ABCB9: variants seen among roughly 807,000 people sequenced by gnomAD.
The protein encoded by ABCB9 is ABC-type oligopeptide transporter ABCB9.
ABCB9 carries 36 observed loss-of-function variants against 62.0 expected under a neutral mutation model. The observed-to-expected ratio is 0.58, with a 90% CI of 0.45 to 0.77. The LOEUF (loss-of-function observed/expected upper bound fraction) is 0.77. ABCB9 is among the 30% of genes least tolerant of loss of function. The pLI is 0.00. For missense variants in ABCB9, 943 were observed against 1,054.7 expected, an observed-to-expected ratio of 0.89 and a Z score of 1.47; for synonymous variants, 435 against 461.4, an observed-to-expected ratio of 0.94 and a Z score of 0.73.
At chr12:122,948,939 CCT>C in intron 4 of ABCB9, 110 bp from the exon 5 acceptor site, 1 of 884,800 alleles carries the variant, frequency 1.1e-6, no homozygotes, top group Non-Finnish European at 1.6e-6. Context: ...GGCCTCCCTA[CCT>C]GTGGGCGGGG....
intron 5 of ABCB9, among the ~76,000 whole-genome samples, chr12:122,946,746 T>C (rs1189541063): frequency 6.6e-6 from 1 of 152,210 alleles, no homozygotes; most frequent in Non-Finnish European, 1.5e-5. Context: ...GCAGGGGCCA[T>C]GGGTTGTGAA....
chr12:122,949,487 G>A (rs771366656), intron 4 of ABCB9, among the ~76,000 whole-genome samples: 1 of 152,222 alleles, frequency 6.6e-6, no homozygotes, highest in Admixed American at 6.5e-5. Flanking sequence ...CCACAGGCGT[G>A]GGTAGTCCTG....
chr12:122,932,075 T>C lies in ABCB9; in HGVS notation c.2040+117A>G, dbSNP rs1231899302. ...GGAATTCACCAGCCCAGGAGGCTGATAGTCTGGGAGAGCTCCTGGGGCCCG... is the reference window on the plus strand; with the variant it reads ...GGAATTCACCAGCCCAGGAGGCTGACAGTCTGGGAGAGCTCCTGGGGCCCG... On this transcript the variant is annotated intron_variant, in intron 11 of 11. Transcript: ENST00000280560. This position sits in a 1 kb window ranked among gnomAD's most constrained non-coding sequence, Gnocchi z 4.7. 1 of 1,513,234 alleles carries C rather than the reference T, an allele frequency of 6.6e-7. No individual in the cohort carries two copies. Among genetic ancestry groups the C allele is most frequent in the Non-Finnish European group, 8.9e-7 (1 of 1,122,038 alleles). The allele number at this position is 1,513,234 out of a possible 1,614,324, so 93.7% of individuals were successfully genotyped here. A position where few individuals can be genotyped will look rare whatever the true frequency, so the allele number is the denominator to read the frequency against.
At chr12:122,928,686 G>C (rs1393925436), downstream of ABCB9, among the ~76,000 whole-genome samples, 1 of 152,074 alleles carries the variant, frequency 6.6e-6, no homozygotes, top group African/African-American at 2.4e-5. Context: ...GGCCCCGATG[G>C]AAAAGAACAG....
chr12:122,958,169 C>CAAAAAAAA (rs34917345), intron 2 of ABCB9, among the ~76,000 whole-genome samples: 2 of 72,218 alleles, frequency 2.8e-5, no homozygotes, highest in Non-Finnish European at 2.5e-5. Context: ...GACTCCATCT[C>CAAAAAAAA]AAAAAAAAAA....
At chr12:122,956,453 G>A (rs1020142618) in intron 2 of ABCB9, among the ~76,000 whole-genome samples, 1 of 152,174 alleles carries the variant, frequency 6.6e-6, no homozygotes, top group Non-Finnish European at 1.5e-5. Context: ...AGAACATTCT[G>A]GCATTGTTAT....
At chr12:122,949,575 C>T (rs2036242583) in intron 4 of ABCB9, among the ~76,000 whole-genome samples, 1 of 152,190 alleles carries the variant, frequency 6.6e-6, no homozygotes, top group African/African-American at 2.4e-5. Flanking sequence ...GGCCTGGGCC[C>T]CACAGAGGCC....
Position 122,944,055 on chromosome 12 carries a change from A to G in ABCB9, c.1380+336T>C. 6.6e-6 allele frequency among the ~76,000 whole-genome samples: 1 copy of G among 152,056 alleles called. No individual in the cohort carries two copies. Among genetic ancestry groups the G allele is most frequent in the Admixed American group, 6.6e-5 (1 of 15,256 alleles). ...CAGGGTTCAAGCAATTCTCCTCTCA[A>G]GTAGCTGGGATTACAGGTACCCACC... On this transcript the variant is annotated intron_variant, in intron 7 of 11. Transcript: ENST00000280560. The surrounding 1 kb of genome is among the most constrained non-coding windows in gnomAD (Gnocchi z 4.9).
chr12:122,969,975 T>C (rs1220845100), upstream of ABCB9, among the ~76,000 whole-genome samples: 7 of 152,146 alleles, frequency 4.6e-5, no homozygotes, highest in East Asian at 1.3e-3. Context: ...TAAAACTAAC[T>C]ATGCTCTTAC....
chr12:122,948,686 C>A lies in ABCB9; in HGVS notation c.991G>T (p.Val331Phe), dbSNP rs746826343. The A allele has an allele frequency of 2.7e-5, 43 of 1,613,830 alleles. No homozygotes were observed. The highest frequency in any genetic ancestry group is 3.6e-5 in the Non-Finnish European group (43 of 1,179,946). ...ATGATGGGGAAGCCCATGAAGGTGA[C>A]CAAGGAGAGCTGCCATGAGAGGCTG... is the stretch of plus-strand genomic sequence containing the variant. Reference protein sequence around the residue: ...MFSLSWQLSLVTFMGFPIIMM... With the variant: ...MFSLSWQLSLFTFMGFPIIMM... Residue 331 changes from valine (V) to phenylalanine (F), a missense_variant, in exon 5 of 12, where the codon GTC becomes TTC. Val to Phe is a conservative substitution (Grantham distance 50). Transcript: ENST00000280560.
chr12:122,920,954 G>A, exon 12 of ABCB9: 1 of 1,440,282 alleles, frequency 6.9e-7, no homozygotes, highest in Non-Finnish European at 9.4e-7. Flanking sequence ...CGTGTTTGCT[G>A]CACTGAAAAT....
Position 122,940,150 on chromosome 12 carries a change from C to T in ABCB9, c.1704G>A (p.Lys568=). 6.2e-7 allele frequency: 1 copy of T among 1,613,170 alleles called. No individual in the cohort carries two copies. The highest frequency in any genetic ancestry group is 8.5e-7 in the Non-Finnish European group (1 of 1,179,686). ...LEGGRVLLDG[K]PISAYDHKYL... is the part of the protein sequence containing the mutation. ...ACTTGTGGTCGTAGGCGCTGATGGGCTTGCCGTCCAGCAGCACCCGGCCCC... is the reference window on the plus strand; with the variant it reads ...ACTTGTGGTCGTAGGCGCTGATGGGTTTGCCGTCCAGCAGCACCCGGCCCC... The change falls in exon 9 of 12, where the codon AAG becomes AAA. Residue 568 remains lysine (K), a synonymous_variant. Coordinates refer to ENST00000280560, the MANE Select transcript of ABCB9 (RefSeq NM_019625.4). The surrounding 1 kb of genome is among the most constrained non-coding windows in gnomAD (Gnocchi z 4.8).
At chr12:122,972,319 G>A (rs572297046) in intron 1 of ABCB9, among the ~76,000 whole-genome samples, 5 of 152,008 alleles carry the variant, frequency 3.3e-5, no homozygotes, top group South Asian at 2.1e-4. Context: ...GGCCTCATTC[G>A]TAATGTCTTT....
Position 122,929,658 on chromosome 12 carries a change from G to A in ABCB9, c.*253C>T. On this transcript the variant is annotated 3_prime_UTR_variant, in exon 12 of 12. Coordinates refer to ENST00000280560, the MANE Select transcript of ABCB9 (RefSeq NM_019625.4). This position sits in a 1 kb window ranked among gnomAD's most constrained non-coding sequence, Gnocchi z 6.0. Reference sequence around the variant, plus strand: ...CCTGGTAAGACCTAGGTTTAAAAAGGCAGCTCTACCTTTGCTTAGGAGGCT... The same window carrying A: ...CCTGGTAAGACCTAGGTTTAAAAAGACAGCTCTACCTTTGCTTAGGAGGCT... 8.1e-7 allele frequency: 1 copy of A among 1,237,522 alleles called. No homozygotes were observed. The allele number at this position is 1,237,522 out of a possible 1,614,324, so 76.7% of individuals were successfully genotyped here.
exon 1 of ABCB9, chr12:122,974,966 T>C: frequency 3.4e-6 from 1 of 295,566 alleles, no homozygotes; most frequent in South Asian, 1.1e-4. Context: ...TCCCTTCCTC[T>C]CCCCGTCCTG....
At chr12:122,969,267 A>G (rs1594087315), upstream of ABCB9, among the ~76,000 whole-genome samples, 1 of 151,488 alleles carries the variant, frequency 6.6e-6, no homozygotes, top group East Asian at 1.9e-4. Flanking sequence ...TGGCTCTGGT[A>G]AACTTGGACT....
chr12:122,954,887 T>G (rs1566187315), intron 2 of ABCB9, among the ~76,000 whole-genome samples: 1 of 152,220 alleles, frequency 6.6e-6, no homozygotes, highest in Admixed American at 6.5e-5. Context: ...TTGTTTGTTT[T>G]AAGATTCTGA....
Position 122,944,499 on chromosome 12 carries a change from C to T in ABCB9, c.1272G>A (p.Gln424=). The T allele has an allele frequency of 6.2e-7, 1 of 1,613,984 alleles. No homozygotes were observed. The change falls in exon 7 of 12, where the codon CAG becomes CAA. Residue 424 remains glutamine (Q), a synonymous_variant. Coordinates refer to ENST00000280560, the MANE Select transcript of ABCB9 (RefSeq NM_019625.4). This position sits in a 1 kb window ranked among gnomAD's most constrained non-coding sequence, Gnocchi z 4.9. Reference sequence around the variant, plus strand: ...GGCCCCCGTAGTAGAGGATGCTGACCTGGACCACCAGCAGTGTGAGCTGGG... The same window carrying T: ...GGCCCCCGTAGTAGAGGATGCTGACTTGGACCACCAGCAGTGTGAGCTGGG... The part of the protein sequence containing the change: ...WGSGLTLLVV[Q]VSILYYGGHL...
Position 122,929,897 on chromosome 12 carries a change from G to T in ABCB9, c.*14C>A. 1.3e-6 allele frequency: 2 copies of T among 1,521,228 alleles called. No homozygotes were observed. The highest frequency in any genetic ancestry group is 8.8e-7 in the Non-Finnish European group (1 of 1,133,942). 94.2% of individuals were successfully genotyped at this position (1,521,228 alleles called of 1,614,324 possible). On this transcript the variant is annotated 3_prime_UTR_variant, in exon 12 of 12. Transcript: ENST00000280560. The surrounding 1 kb of genome is among the most constrained non-coding windows in gnomAD (Gnocchi z 6.0). ...CGGGTCCTCTGCCCCACCGGGAGAA[G>T]CAGGGGCCCCCCATCAGGCCTTGTG...
Sources: allele counts gnomAD v4.1 joint callset (sites outside exome capture counted in the v4.1 genomes callset), GRCh38; gene constraint gnomAD v4.1.1; non-coding constraint Gnocchi (gnomAD v3.1); transcripts MANE v1.5; gene names NCBI Gene and HGNC (gene_info 2026-07-23, HGNC 2026-07-21).